CDC14A: variants seen among roughly 807,000 people sequenced by gnomAD.
CDC14A encodes dual specificity protein phosphatase CDC14A.
In CDC14A, 53 loss-of-function variants were observed where a neutral mutation model predicts 74.4. That is an observed-to-expected ratio of 0.71 (90% CI 0.57 to 0.89). The LOEUF (loss-of-function observed/expected upper bound fraction) is 0.89. Ranked by LOEUF, CDC14A falls within the 40% of genes least tolerant of loss-of-function variation. The pLI, the probability that CDC14A is intolerant of heterozygous loss-of-function variation, is 0.00. For missense variants in CDC14A, 646 were observed against 713.7 expected (o/e 0.91, Z 1.08); for synonymous variants, 247 against 258.4 (o/e 0.96, Z 0.43).
rs765941255 is a variant in CDC14A, at chr1:100,352,991, G to A, written c.37G>A (p.Glu13Lys). ...GTCAGGGGAACTAATCGGGGCTTGT[G>A]AGTTCATGAAAGGTGAGGAGCAGCC... The part of the protein sequence containing the change: ...AESGELIGAC[E>K]FMKDRLYFAT... Residue 13 changes from glutamate (E) to lysine (K), a missense_variant, in exon 1 of 16, where the codon GAG (glutamate) becomes AAG (lysine). Transcript: ENST00000336454. The A allele has an allele frequency of 1.2e-6, 2 of 1,614,140 alleles. No individual in the cohort carries two copies. Among genetic ancestry groups the A allele is most frequent in the Non-Finnish European group, 1.7e-6 (2 of 1,180,032 alleles).
rs751247467 is a variant in CDC14A, at chr1:100,459,086, A to AACACACACACACACACACACAC, written c.608-3551_608-3550insACACACACACACACACACACAC. The stretch of plus-strand genomic sequence containing the variant: ...TCACTGTCATTCTCACTTCTATTTA[A>AACACACACACACACACACACAC]ACACACACACACACGCACACACACA... On this transcript the variant is annotated intron_variant, in intron 8 of 15. Coordinates refer to ENST00000336454, the MANE Select transcript of CDC14A (RefSeq NM_003672.4). Among the ~76,000 whole-genome samples, 484 of 127,948 alleles carry AACACACACACACACACACACAC rather than the reference A, an allele frequency of 3.8e-3. 2 individuals carry two copies. The highest frequency in any genetic ancestry group is 8.2e-3 in the African/African-American group (228 of 27,896). The allele number at this position is 127,948 out of a possible 152,430, so 83.9% of individuals were successfully genotyped here.
At position 100,424,263 on chromosome 1, in the gene CDC14A, A is replaced by G. The variant is rs1487598441; in HGVS notation, c.351A>G (p.Ala117=). 6.2e-7 allele frequency: 1 copy of G among 1,613,412 alleles called. No homozygotes were observed. Among genetic ancestry groups the G allele is most frequent in the Admixed American group, 1.7e-5 (1 of 60,008 alleles). ...AGACACCAGAAGAAGCCTACAGAGC[A>G]CTCCTGTCTGGCTCAAACCCCCCCT... ...LKKTPEEAYR[A]LLSGSNPPYL... The change falls in exon 5 of 16, where the codon GCA becomes GCG. Residue 117 remains alanine, a synonymous_variant. Coordinates refer to ENST00000336454, the MANE Select transcript of CDC14A (RefSeq NM_003672.4).
chr1:100,479,482 G>A (rs1338892668), intron 10 of CDC14A, among the ~76,000 whole-genome samples: 1 of 152,046 alleles, frequency 6.6e-6, no homozygotes, highest in African/African-American at 2.4e-5. Context: ...GTGTGCCTTT[G>A]CATACCTGTA....
chr1:100,345,711 T>C (rs1459520490), intron 1 of CDC14A, among the ~76,000 whole-genome samples: 1 of 152,194 alleles, frequency 6.6e-6, no homozygotes, highest in African/African-American at 2.4e-5. Flanking sequence ...ATTTATAAAA[T>C]GGAAATAATA....
At chr1:100,361,343 G>C (rs1652726812) in intron 2 of CDC14A, among the ~76,000 whole-genome samples, 1 of 152,172 alleles carries the variant, frequency 6.6e-6, no homozygotes, top group Non-Finnish European at 1.5e-5. Flanking sequence ...ATGCAGTACA[G>C]GATAATACAT....
rs1204684770 is a variant in CDC14A at position 100,484,367 on chromosome 1, T to C, written c.1053T>C (p.Ser351=). ...KLKNRPSSEG[S]INKILSGLDD... ...AAAATCGACCATCCAGTGAAGGAAGTATTAATAAAATTCTTTCTGGCCTAG... is the reference window on the plus strand; with the variant it reads ...AAAATCGACCATCCAGTGAAGGAAGCATTAATAAAATTCTTTCTGGCCTAG... Residue 351 remains serine (S), a synonymous_variant, in exon 11 of 16, where the codon AGT becomes AGC. Transcript: ENST00000336454. 6.2e-7 allele frequency: 1 copy of C among 1,607,174 alleles called. No homozygotes were observed. Among genetic ancestry groups the C allele is most frequent in the Non-Finnish European group, 8.5e-7 (1 of 1,176,778 alleles).
At chr1:100,408,860 A>C (rs1458023989) in intron 4 of CDC14A, among the ~76,000 whole-genome samples, 1 of 152,194 alleles carries the variant, frequency 6.6e-6, no homozygotes, top group Non-Finnish European at 1.5e-5. Flanking sequence ...GGGACATTCA[A>C]TATCCTCCTT....
intron 15 of CDC14A, among the ~76,000 whole-genome samples, chr1:100,510,971 C>T (rs1649725686): frequency 6.6e-6 from 1 of 152,176 alleles, no homozygotes; most frequent in Non-Finnish European, 1.5e-5. Flanking sequence ...GTAATTTCCT[C>T]TAACTTCCCT....
upstream of CDC14A, among the ~76,000 whole-genome samples, chr1:100,351,199 A>C (rs1650942796): frequency 6.6e-6 from 1 of 150,450 alleles, no homozygotes; most frequent in African/African-American, 2.4e-5. Context: ...GTCTAAAACA[A>C]AACACACATT....
chr1:100,363,614 C>CTTT (rs35415515), intron 2 of CDC14A, among the ~76,000 whole-genome samples: 1,532 of 141,768 alleles, frequency 0.011, 25 homozygotes, highest in African/African-American at 0.037. Flanking sequence ...TTAGACTTCT[C>CTTT]TTTTTTTTTT....
intron 1 of CDC14A, among the ~76,000 whole-genome samples, chr1:100,346,352 G>A (rs1650428207): frequency 6.6e-6 from 1 of 152,114 alleles, no homozygotes; most frequent in African/African-American, 2.4e-5. Context: ...TGAATGGCGT[G>A]GGTGCGGTGG....
intron 2 of CDC14A, among the ~76,000 whole-genome samples, chr1:100,365,009 C>T (rs1036535311): frequency 5.9e-5 from 9 of 152,228 alleles, no homozygotes; most frequent in Admixed American, 5.9e-4. Context: ...TGGTTCCTCA[C>T]CCTCTGGTGT....
chr1:100,460,025 C>A (rs902574854), intron 8 of CDC14A, among the ~76,000 whole-genome samples: 4 of 152,208 alleles, frequency 2.6e-5, no homozygotes, highest in Non-Finnish European at 5.9e-5. Flanking sequence ...GTGTTGGAAT[C>A]TGACTGCCAG....
rs538288012 is a variant in CDC14A at position 100,462,715 on chromosome 1, T to G, written c.672T>G (p.Val224=). 229 of 1,614,036 alleles carry G rather than the reference T, an allele frequency of 1.4e-4. No individual in the cohort carries two copies. Among genetic ancestry groups the G allele is most frequent in the Non-Finnish European group, 1.9e-4 (224 of 1,180,016 alleles). ...TCAAAAAGCATAATGTGACTGCAGTTGTGAGGCTAAACAAAAAGATTTATG... is the reference window on the plus strand; with the variant it reads ...TCAAAAAGCATAATGTGACTGCAGTGGTGAGGCTAAACAAAAAGATTTATG... ...PYFKKHNVTA[V]VRLNKKIYEA... is the part of the protein sequence containing the mutation. Residue 224 remains valine, a synonymous_variant, in exon 9 of 16, where the codon GTT becomes GTG. Transcript: ENST00000336454.
At chr1:100,469,758 C>T (rs1441459458) in intron 10 of CDC14A, among the ~76,000 whole-genome samples, 1 of 152,136 alleles carries the variant, frequency 6.6e-6, no homozygotes, top group Non-Finnish European at 1.5e-5. Flanking sequence ...GAGAATTCTA[C>T]CAGTCAAGGT....
At chr1:100,347,591 G>T (rs889456739), upstream of CDC14A, among the ~76,000 whole-genome samples, 6 of 152,082 alleles carry the variant, frequency 3.9e-5, no homozygotes, top group African/African-American at 1.4e-4. Flanking sequence ...TCTATTTTTG[G>T]TATTCTGGTT....
intron 4 of CDC14A, among the ~76,000 whole-genome samples, chr1:100,396,611 A>G (rs1199034584): frequency 6.6e-6 from 1 of 152,258 alleles, no homozygotes; most frequent in African/African-American, 2.4e-5. Flanking sequence ...GGGTAGTAAC[A>G]AGTATACAAA....
Position 100,519,655 on chromosome 1 carries a change from G to C in CDC14A, c.*1375G>C, listed in dbSNP as rs1386576489. The C allele has an allele frequency of 6.6e-6, 1 of 152,352 alleles. No homozygotes were observed. The highest frequency in any genetic ancestry group is 2.4e-5 in the African/African-American group (1 of 41,360). The allele number at this position is 152,352 out of a possible 1,614,324, so 9.4% of individuals were successfully genotyped here. ...GTTCATGTTTTATGTTTTTAAAAAA[G>C]GCATTTGAATGAATGTTTGACTCAG... is the stretch of plus-strand genomic sequence containing the variant. On this transcript the variant is annotated 3_prime_UTR_variant, in exon 16 of 16. Transcript: ENST00000336454.
At chr1:100,491,258 ATATG>A (rs1459060128) in intron 11 of CDC14A, among the ~76,000 whole-genome samples, 2 of 152,102 alleles carry the variant, frequency 1.3e-5, no homozygotes, top group African/African-American at 2.4e-5. Context: ...ACAAAGCAGC[ATATG>A]TATATAATAC....
Sources: gnomAD v4.1 joint callset for allele counts (sites outside exome capture counted in the v4.1 genomes callset) on GRCh38, gnomAD v4.1.1 for gene constraint, MANE v1.5 for transcripts, NCBI Gene and HGNC (gene_info 2026-07-23, HGNC 2026-07-21) for gene names.